KCNJ6: variants seen among roughly 807,000 people sequenced by gnomAD.
KCNJ6 encodes potassium inwardly rectifying channel subfamily J member 6.
A neutral mutation model predicts 34.2 loss-of-function variants in KCNJ6; 9 were observed. That is an observed-to-expected ratio of 0.26 (90% CI 0.16 to 0.46). The LOEUF (loss-of-function observed/expected upper bound fraction) is 0.46, where lower values mean the gene tolerates loss of function less well. Among genes scored for constraint, KCNJ6 ranks in the 20% least tolerant of loss-of-function variants. KCNJ6 has a pLI of 1.00. For synonymous variants in KCNJ6, 196 were observed against 207.1 expected (o/e 0.95, Z 0.46); for missense variants, 236 against 531.3 (o/e 0.44, Z 5.46).
rs184578963 is a variant in KCNJ6, at chr21:37,843,786, T to A, written c.-27-3077A>T. ...GGAAAGGATTTAGAGGGAGCTGATCTCTTTCCCTTATCCACAACCTCTGCT... is the reference window on the plus strand; with the variant it reads ...GGAAAGGATTTAGAGGGAGCTGATCACTTTCCCTTATCCACAACCTCTGCT... On this transcript the variant is annotated intron_variant, in intron 1 of 3. Transcript: ENST00000609713. Among the ~76,000 whole-genome samples the A allele has an allele frequency of 1.9e-3, 293 of 152,228 alleles. 1 individual carries two copies. The highest frequency in any genetic ancestry group is 3.6e-3 in the Non-Finnish European group (243 of 67,994).
chr21:37,630,399 C>T (rs768888300), intron 3 of KCNJ6, among the ~76,000 whole-genome samples: 9 of 152,118 alleles, frequency 5.9e-5, no homozygotes, highest in Non-Finnish European at 1.3e-4. Context: ...TTGCACAGTG[C>T]TTCAATATTG....
chr21:37,656,718 T>C (rs2054465883), intron 3 of KCNJ6, among the ~76,000 whole-genome samples: 3 of 152,222 alleles, frequency 2.0e-5, no homozygotes, highest in African/African-American at 7.2e-5. Flanking sequence ...GCTTGCCTTC[T>C]GTCAGGGACA....
intron 3 of KCNJ6, among the ~76,000 whole-genome samples, chr21:37,634,410 G>T (rs1034997502): frequency 6.6e-6 from 1 of 152,166 alleles, no homozygotes; most frequent in African/African-American, 2.4e-5. Context: ...CCGGGGCCAT[G>T]CTTCCTGTAC....
chr21:37,667,154 T>TAAAAAAAAAAAAAAAAAAAAAAAA, intron 3 of KCNJ6, among the ~76,000 whole-genome samples: 1 of 39,068 alleles, frequency 2.6e-5, no homozygotes, highest in Non-Finnish European at 4.4e-5. Flanking sequence ...CAATAAATAC[T>TAAAAAAAAAAAAAAAAAAAAAAAA]AAAAAAAAAA....
intron 3 of KCNJ6, among the ~76,000 whole-genome samples, chr21:37,677,790 ACCCACC>A (rs2054572879): frequency 6.8e-6 from 1 of 146,970 alleles, no homozygotes; most frequent in African/African-American, 2.5e-5. Context: ...CCATCCATCC[ACCCACC>A]TATCCACCCA....
chr21:37,756,077 C>T (rs555722387), intron 2 of KCNJ6, among the ~76,000 whole-genome samples: 5 of 152,314 alleles, frequency 3.3e-5, no homozygotes, highest in African/African-American at 1.2e-4. Flanking sequence ...ACACAGCACC[C>T]TCGTTTGTAA....
intron 1 of KCNJ6, among the ~76,000 whole-genome samples, chr21:37,851,403 T>C (rs2055536713): frequency 6.6e-6 from 1 of 152,260 alleles, no homozygotes; most frequent in South Asian, 2.1e-4. Context: ...GTCAGGGGAA[T>C]ATTTTTAAAA....
chr21:37,609,605 T>G lies in KCNJ6; in HGVS notation c.*15554A>C, dbSNP rs1208556795. Reference sequence around the variant, plus strand: ...ATGATTAATAATGAAAAGTGGCCACTATTTTCCATTACTGGTATATAACTA... The same window carrying G: ...ATGATTAATAATGAAAAGTGGCCACGATTTTCCATTACTGGTATATAACTA... On this transcript the variant is annotated 3_prime_UTR_variant, in exon 4 of 4. Transcript: ENST00000609713. The G allele has an allele frequency of 6.6e-6, 1 of 152,206 alleles. No homozygotes were observed. The highest frequency in any genetic ancestry group is 1.5e-5 in the Non-Finnish European group (1 of 68,032). 9.4% of individuals were successfully genotyped at this position (152,206 alleles called of 1,614,324 possible). A position where few individuals can be genotyped will look rare whatever the true frequency, so the allele number is the denominator to read the frequency against.
At chr21:37,882,574 A>G (rs2055714761) in intron 1 of KCNJ6, among the ~76,000 whole-genome samples, 1 of 152,226 alleles carries the variant, frequency 6.6e-6, no homozygotes, top group African/African-American at 2.4e-5. Context: ...GCAGACAGGT[A>G]TAACTATGTT....
At chr21:37,778,694 TGC>T (rs200339761) in intron 2 of KCNJ6, among the ~76,000 whole-genome samples, 1,512 of 136,692 alleles carry the variant, frequency 0.011, 32 homozygotes, top group African/African-American at 0.041. Context: ...GTGTGCTGTG[TGC>T]GTGTGTGTGT....
intron 3 of KCNJ6, among the ~76,000 whole-genome samples, chr21:37,693,883 C>A (rs2054651654): frequency 6.6e-6 from 1 of 152,070 alleles, no homozygotes; most frequent in Admixed American, 6.6e-5. Flanking sequence ...TCACGCTTTT[C>A]ATTTCTTCCA....
At chr21:37,690,579 T>C (rs2054635045) in intron 3 of KCNJ6, among the ~76,000 whole-genome samples, 1 of 152,178 alleles carries the variant, frequency 6.6e-6, no homozygotes, top group Admixed American at 6.5e-5. Context: ...AAGAGTATTT[T>C]CTTGAAATTT....
intron 2 of KCNJ6, among the ~76,000 whole-genome samples, chr21:37,832,521 C>T (rs937252900): frequency 2.0e-5 from 3 of 152,152 alleles, no homozygotes; most frequent in Non-Finnish European, 4.4e-5. Context: ...AGAATTCTGA[C>T]ACCTGCTTTC....
intron 1 of KCNJ6, among the ~76,000 whole-genome samples, chr21:37,865,610 A>C (rs1392834501): frequency 1.3e-5 from 2 of 152,246 alleles, no homozygotes; most frequent in African/African-American, 4.8e-5. Flanking sequence ...TGGAGGAGCC[A>C]GCTTAGAAAG....
intron 2 of KCNJ6, among the ~76,000 whole-genome samples, chr21:37,825,247 C>A (rs1390416067): frequency 6.6e-6 from 1 of 152,100 alleles, no homozygotes. Context: ...AGTAGTTAAG[C>A]AGATTTCTAT....
At chr21:37,743,094 C>T (rs1321387713) in intron 2 of KCNJ6, among the ~76,000 whole-genome samples, 2 of 152,180 alleles carry the variant, frequency 1.3e-5, no homozygotes, top group East Asian at 1.9e-4. Context: ...CCACCCAGTG[C>T]CTGCCTCTGG....
Position 37,799,834 on chromosome 21 carries a change from G to A in KCNJ6, c.25+40824C>T, listed in dbSNP as rs148062790. Reference sequence around the variant, plus strand: ...GAAGCCCTAATTTTGAGAGAGCACTGTTACAATAGATTTGTCTTCCTGGTT... The same window carrying A: ...GAAGCCCTAATTTTGAGAGAGCACTATTACAATAGATTTGTCTTCCTGGTT... On this transcript the variant is annotated intron_variant, in intron 2 of 3. Coordinates refer to ENST00000609713, the MANE Select transcript of KCNJ6 (RefSeq NM_002240.5). Among the ~76,000 whole-genome samples, 2 of 152,222 alleles carry A rather than the reference G, an allele frequency of 1.3e-5. 1 individual carries two copies. Among genetic ancestry groups the A allele is most frequent in the South Asian group, 4.2e-4 (2 of 4,818 alleles).
At chr21:37,738,999 G>A (rs1447467834) in intron 2 of KCNJ6, among the ~76,000 whole-genome samples, 1 of 152,194 alleles carries the variant, frequency 6.6e-6, no homozygotes, top group East Asian at 1.9e-4. Flanking sequence ...GGAGAAGAGA[G>A]AAAGCTGCTT....
At chr21:37,819,268 G>A (rs2055362652) in intron 2 of KCNJ6, among the ~76,000 whole-genome samples, 2 of 152,158 alleles carry the variant, frequency 1.3e-5, no homozygotes, top group South Asian at 4.1e-4. Flanking sequence ...TGTAGGATCA[G>A]ATCATGTGAG....
Sources: allele counts gnomAD v4.1 joint callset (sites outside exome capture counted in the v4.1 genomes callset), GRCh38; gene constraint gnomAD v4.1.1; transcripts MANE v1.5; gene names NCBI Gene and HGNC (gene_info 2026-07-23, HGNC 2026-07-21).